Variants in DPY19L4 observed in about 807,000 individuals in gnomAD.
The protein encoded by DPY19L4 is probable C-mannosyltransferase DPY19L4.
DPY19L4 carries 97 observed loss-of-function variants against 102.8 expected under a neutral mutation model. That is an observed-to-expected ratio of 0.94 (90% CI 0.80 to 1.12). The LOEUF (loss-of-function observed/expected upper bound fraction) is 1.12. DPY19L4 is among the 50% of genes most tolerant of loss of function. DPY19L4 has a pLI of 0.00. For synonymous variants in DPY19L4, 252 were observed against 283.1 expected (o/e 0.89, Z 1.10); for missense variants, 815 against 850.4 (o/e 0.96, Z 0.52).
intron 2 of DPY19L4, among the ~76,000 whole-genome samples, chr8:94,726,922 T>C (rs1161733876): frequency 6.6e-6 from 1 of 152,152 alleles, no homozygotes; most frequent in African/African-American, 2.4e-5. Flanking sequence ...GAGAAAATAG[T>C]TGTGAATAAT....
chr8:94,725,928 C>T (rs1429161138), intron 1 of DPY19L4, among the ~76,000 whole-genome samples: 2 of 152,150 alleles, frequency 1.3e-5, no homozygotes, highest in East Asian at 1.9e-4. Flanking sequence ...TGAGCCACAG[C>T]GCCCGGCTAT....
rs1415546311 is a variant in DPY19L4 at position 94,732,742 on chromosome 8, A to G, written c.128-1888A>G. On this transcript the variant is annotated intron_variant, in intron 2 of 18. Transcript: ENST00000414645. The stretch of plus-strand genomic sequence containing the variant: ...TACTTTTTTTGATATTGGGTCATAC[A>G]TTCCTTTGGATTACTTTTTAATATT... Among the ~76,000 whole-genome samples the G allele has an allele frequency of 2.7e-5, 4 of 150,570 alleles. No individual in the cohort carries two copies. The Admixed American group carries it at 2.7e-4, about 10-fold the overall frequency.
At chr8:94,768,299 T>C in intron 11 of DPY19L4, 96 bp from the exon 12 acceptor site, 1 of 935,118 alleles carries the variant, frequency 1.1e-6, no homozygotes, top group Non-Finnish European at 1.6e-6. Context: ...TTAGGAAATG[T>C]GTTTTTTCTT....
At chr8:94,789,590 T>C (rs1231757665) in intron 18 of DPY19L4, among the ~76,000 whole-genome samples, 156 bp from the exon 19 acceptor site, 1 of 152,226 alleles carries the variant, frequency 6.6e-6, no homozygotes, top group Admixed American at 6.5e-5. Flanking sequence ...GACTCACTTA[T>C]GAAGAAGGCT....
chr8:94,781,287 G>A (rs4398879), intron 16 of DPY19L4, 121 bp downstream of exon 16: 690,990 of 830,364 alleles, frequency 0.83, 290,180 homozygotes, highest in East Asian at 0.95. Flanking sequence ...AAACTCAGGC[G>A]TTTTAGGGAT....
At chr8:94,751,214 G>A (rs908779185) in intron 6 of DPY19L4, among the ~76,000 whole-genome samples, 1 of 150,890 alleles carries the variant, frequency 6.6e-6, no homozygotes, top group East Asian at 2.0e-4. Context: ...CGCCTCCTGG[G>A]TTCACGCCAT....
chr8:94,757,690 G>A (rs893908658), intron 7 of DPY19L4, among the ~76,000 whole-genome samples: 22 of 152,110 alleles, frequency 1.4e-4, no homozygotes, highest in Non-Finnish European at 2.5e-4. Flanking sequence ...GACTACAGCC[G>A]TGAGCCACTG....
chr8:94,730,059 A>G lies in DPY19L4; in HGVS notation c.127+3618A>G, dbSNP rs535355655. Reference sequence around the variant, plus strand: ...TTTGGCATAAGTGTGGCTTTTTTCTATGTACTTATAGTTTTTTTTTTCACT... The same window carrying G: ...TTTGGCATAAGTGTGGCTTTTTTCTGTGTACTTATAGTTTTTTTTTTCACT... On this transcript the variant is annotated intron_variant, in intron 2 of 18. Transcript: ENST00000414645. Among the ~76,000 whole-genome samples the G allele has an allele frequency of 1.3e-4, 20 of 151,642 alleles. No individual in the cohort carries two copies. The South Asian group carries it at 3.7e-3, about 28-fold the overall frequency.
rs528104448 is a variant in DPY19L4 at position 94,791,895 on chromosome 8, A to T, written c.*1985A>T. 646 of 152,328 alleles carry T rather than the reference A, an allele frequency of 4.2e-3. 3 individuals carry two copies. Among genetic ancestry groups the T allele is most frequent in the African/African-American group, 0.015 (618 of 41,570 alleles). The allele number at this position is 152,328 out of a possible 1,614,324, so 9.4% of individuals were successfully genotyped here. Reference sequence around the variant, plus strand: ...TTTCATCCAGCATCAGTTGAAAAGGAAAAGAAAGCTTCATTATGGAAATGA... The same window carrying T: ...TTTCATCCAGCATCAGTTGAAAAGGTAAAGAAAGCTTCATTATGGAAATGA... On this transcript the variant is annotated 3_prime_UTR_variant, in exon 19 of 19. Transcript: ENST00000414645.
chr8:94,721,714 C>A (rs1198593220), intron 1 of DPY19L4, among the ~76,000 whole-genome samples: 1 of 152,112 alleles, frequency 6.6e-6, no homozygotes, highest in Non-Finnish European at 1.5e-5. Context: ...ATACATCATG[C>A]AAAATGAAAA....
chr8:94,748,481 T>C (rs751949628), intron 6 of DPY19L4, among the ~76,000 whole-genome samples: 5 of 152,100 alleles, frequency 3.3e-5, no homozygotes, highest in Non-Finnish European at 7.4e-5. Flanking sequence ...AAAAAATTTT[T>C]TGGGATAATA....
At chr8:94,736,712 G>A (rs1411656727) in intron 3 of DPY19L4, among the ~76,000 whole-genome samples, 3 of 152,164 alleles carry the variant, frequency 2.0e-5, no homozygotes, top group African/African-American at 7.2e-5. Flanking sequence ...AAGATTTGCT[G>A]TACCTCTGGA....
At chr8:94,771,694 G>A (rs1812943881) in intron 13 of DPY19L4, among the ~76,000 whole-genome samples, 2 of 152,214 alleles carry the variant, frequency 1.3e-5, no homozygotes, top group Non-Finnish European at 2.9e-5. Flanking sequence ...TAGAGGGAAT[G>A]GCATATGCCC....
At chr8:94,775,021 T>C (rs1813111761) in intron 13 of DPY19L4, among the ~76,000 whole-genome samples, 1 of 152,212 alleles carries the variant, frequency 6.6e-6, no homozygotes, top group African/African-American at 2.4e-5. Flanking sequence ...CAGGATTTTC[T>C]TCTTTTTCAA....
chr8:94,748,817 G>A (rs181895027), intron 6 of DPY19L4, among the ~76,000 whole-genome samples: 2 of 152,134 alleles, frequency 1.3e-5, no homozygotes, highest in African/African-American at 4.8e-5. Context: ...CTCCTTATGA[G>A]AATCTAACTA....
chr8:94,772,398 A>G (rs1254744862), intron 13 of DPY19L4, among the ~76,000 whole-genome samples: 1 of 152,234 alleles, frequency 6.6e-6, no homozygotes, highest in African/African-American at 2.4e-5. Flanking sequence ...AACTTAGGAA[A>G]GTCATACTCA....
intron 1 of DPY19L4, among the ~76,000 whole-genome samples, chr8:94,722,944 T>C (rs1449950836): frequency 6.6e-6 from 1 of 152,214 alleles, no homozygotes; most frequent in Non-Finnish European, 1.5e-5. Context: ...TTATGCTTTC[T>C]GAACGCAATG....
chr8:94,725,859 G>C (rs942376238), intron 1 of DPY19L4, among the ~76,000 whole-genome samples: 2 of 152,034 alleles, frequency 1.3e-5, no homozygotes, highest in African/African-American at 2.4e-5. Context: ...GGATGGTCTC[G>C]ATCTCCTGAC....
chr8:94,779,454 C>T (rs1009822175), intron 14 of DPY19L4, among the ~76,000 whole-genome samples: 4 of 151,630 alleles, frequency 2.6e-5, no homozygotes, highest in African/African-American at 9.7e-5. Context: ...TCCTGAGTAG[C>T]TGGGACTTCA....
Sources: gnomAD v4.1 joint callset for allele counts (sites outside exome capture counted in the v4.1 genomes callset) on GRCh38, gnomAD v4.1.1 for gene constraint, MANE v1.5 for transcripts, NCBI Gene and HGNC (gene_info 2026-07-23, HGNC 2026-07-21) for gene names.